The following BMP5 variants were observed in gnomAD, a reference collection of about 807,000 sequenced individuals.
BMP5 encodes bone morphogenetic protein 5.
In BMP5, 23 loss-of-function variants were observed where a neutral mutation model predicts 46.6. That is an observed-to-expected ratio of 0.49 (90% confidence interval 0.35 to 0.70). The LOEUF (loss-of-function observed/expected upper bound fraction) is 0.70. BMP5 is among the 30% of genes least tolerant of loss of function. The pLI is 0.00. For synonymous variants in BMP5, 204 were observed against 191.9 expected, an observed-to-expected ratio of 1.06 and a Z score of -0.52; for missense variants, 545 against 565.6, an observed-to-expected ratio of 0.96 and a Z score of 0.37.
intron 3 of BMP5, among the ~76,000 whole-genome samples, chr6:55,780,103 G>A (rs1775271867): frequency 1.3e-5 from 2 of 151,506 alleles, no homozygotes; most frequent in Admixed American, 1.3e-4. Flanking sequence ...AAGCCACTTT[G>A]CCAGTATTAT....
At chr6:55,831,442 CT>C (rs923836229) in intron 1 of BMP5, among the ~76,000 whole-genome samples, 2 of 151,928 alleles carry the variant, frequency 1.3e-5, no homozygotes, top group Non-Finnish European at 2.9e-5. Context: ...CTATATTATC[CT>C]TTAAGGGCTA....
At chr6:55,798,395 T>C (rs374004265) in intron 2 of BMP5, among the ~76,000 whole-genome samples, 4 of 152,226 alleles carry the variant, frequency 2.6e-5, no homozygotes, top group Admixed American at 6.5e-5. Context: ...TCTGTCTTTA[T>C]TGACAACATA....
At chr6:55,870,150 C>A (rs770410234) in intron 1 of BMP5, among the ~76,000 whole-genome samples, 1 of 150,142 alleles carries the variant, frequency 6.7e-6, no homozygotes, top group Non-Finnish European at 1.5e-5. Flanking sequence ...CCAGCTAATA[C>A]GTCTCATTAA....
At chr6:55,857,886 C>T (rs574105042) in intron 1 of BMP5, among the ~76,000 whole-genome samples, 6 of 151,978 alleles carry the variant, frequency 3.9e-5, no homozygotes, top group African/African-American at 7.3e-5. Context: ...TACAGGCATG[C>T]GCCACCAGGC....
At chr6:55,868,703 C>A (rs1171274930) in intron 1 of BMP5, among the ~76,000 whole-genome samples, 6 of 152,136 alleles carry the variant, frequency 3.9e-5, no homozygotes, top group Admixed American at 3.3e-4. Context: ...CTTGGTTATG[C>A]AGATTGTTTT....
chr6:55,817,820 A>G (rs1776313391), intron 2 of BMP5, among the ~76,000 whole-genome samples: 1 of 152,204 alleles, frequency 6.6e-6, no homozygotes, highest in Non-Finnish European at 1.5e-5. Context: ...ACACTCCTAC[A>G]ATCCAGAAGC....
chr6:55,764,330 T>A (rs1774861827), intron 4 of BMP5, among the ~76,000 whole-genome samples: 1 of 152,068 alleles, frequency 6.6e-6, no homozygotes, highest in Admixed American at 6.6e-5. Flanking sequence ...TCCCAGCACT[T>A]TGGGAGGCCA....
intron 4 of BMP5, among the ~76,000 whole-genome samples, chr6:55,768,489 T>A (rs188629055): frequency 1.9e-4 from 29 of 151,942 alleles, no homozygotes; most frequent in Non-Finnish European, 3.5e-4. Context: ...TGTAGGCTAA[T>A]GTAAATGTTA....
At chr6:55,823,147 A>G (rs1025120005) in intron 1 of BMP5, among the ~76,000 whole-genome samples, 2 of 152,070 alleles carry the variant, frequency 1.3e-5, no homozygotes, top group Non-Finnish European at 2.9e-5. Flanking sequence ...TCTGTCTCCT[A>G]AAGTTTATTA....
chr6:55,774,402 A>C (rs1235042222), intron 3 of BMP5, among the ~76,000 whole-genome samples, 159 bp from the exon 4 acceptor site: 1 of 151,950 alleles, frequency 6.6e-6, no homozygotes, highest in South Asian at 2.1e-4. Context: ...GAGGCTTACT[A>C]TTACAGACAA....
intron 2 of BMP5, among the ~76,000 whole-genome samples, chr6:55,801,749 T>A (rs1166429279): frequency 6.6e-6 from 1 of 152,194 alleles, no homozygotes; most frequent in African/African-American, 2.4e-5. Flanking sequence ...CTGGAAAGGG[T>A]GCTCTGGATA....
At chr6:55,796,571 A>G (rs1398886111) in intron 2 of BMP5, among the ~76,000 whole-genome samples, 1 of 151,676 alleles carries the variant, frequency 6.6e-6, no homozygotes, top group African/African-American at 2.4e-5. Context: ...ACATATGTAT[A>G]TATGTGCCAT....
At chr6:55,837,262 A>AT (rs949015710) in intron 1 of BMP5, among the ~76,000 whole-genome samples, 5 of 152,058 alleles carry the variant, frequency 3.3e-5, no homozygotes, top group Non-Finnish European at 7.4e-5. Flanking sequence ...GTTTAAGAAG[A>AT]TTGACTTAAC....
chr6:55,857,425 A>G (rs1164012284), intron 1 of BMP5, among the ~76,000 whole-genome samples: 1 of 152,184 alleles, frequency 6.6e-6, no homozygotes, highest in Non-Finnish European at 1.5e-5. Flanking sequence ...ATGCAGCCAT[A>G]CTTTCGCACT....
At chr6:55,836,303 A>G (rs929644323) in intron 1 of BMP5, among the ~76,000 whole-genome samples, 1 of 152,300 alleles carries the variant, frequency 6.6e-6, no homozygotes, top group Middle Eastern at 3.4e-3. Flanking sequence ...TTTTGCAACA[A>G]AATTGTTAGC....
chr6:55,850,068 T>C (rs950494835), intron 1 of BMP5, among the ~76,000 whole-genome samples: 1 of 152,098 alleles, frequency 6.6e-6, no homozygotes, highest in Non-Finnish European at 1.5e-5. Flanking sequence ...CAGCACTTCA[T>C]GTTTATCTCT....
chr6:55,851,137 CTTT>C (rs11340072), intron 1 of BMP5, among the ~76,000 whole-genome samples: 64,900 of 140,524 alleles, frequency 0.46, 14,638 homozygotes, highest in Middle Eastern at 0.56. Context: ...TTTTGTTTTG[CTTT>C]TTTTTTTTTT....
At chr6:55,865,342 A>G (rs1777614580) in intron 1 of BMP5, 1 of 448,148 alleles carries the variant, frequency 2.2e-6, no homozygotes, top group Admixed American at 2.5e-5. Context: ...TTAACAAGCA[A>G]GGAAATGGAA....
chr6:55,824,209 T>C (rs1481495119), intron 1 of BMP5, among the ~76,000 whole-genome samples: 1 of 151,966 alleles, frequency 6.6e-6, no homozygotes, highest in African/African-American at 2.4e-5. Context: ...TTTCTGTATA[T>C]TACAGTATGC....
Sources: allele counts gnomAD v4.1 joint callset (sites outside exome capture counted in the v4.1 genomes callset), GRCh38; gene constraint gnomAD v4.1.1; transcripts MANE v1.5; gene names NCBI Gene and HGNC (gene_info 2026-07-23, HGNC 2026-07-21).